The following NEK10 variants were observed in gnomAD, a reference collection of about 807,000 sequenced individuals.
NEK10 encodes the protein NIMA related kinase 10, also known as serine/threonine-protein kinase Nek10.
A neutral mutation model predicts 159.8 loss-of-function variants in NEK10; 122 were observed. That is an observed-to-expected ratio of 0.76 (90% confidence interval 0.66 to 0.89). The LOEUF is 0.89. Ranked by LOEUF, NEK10 falls within the 40% of genes least tolerant of loss-of-function variation. NEK10 has a pLI of 0.00. For missense variants in NEK10, 1,342 were observed against 1,323.1 expected, an observed-to-expected ratio of 1.01 and a Z score of -0.22; for synonymous variants, 466 against 457.1, an observed-to-expected ratio of 1.02 and a Z score of -0.25.
chr3:27,247,810 CTTTTCTTTTCTTTTT>C (rs1955230441), intron 23 of NEK10, among the ~76,000 whole-genome samples: 1 of 131,506 alleles, frequency 7.6e-6, no homozygotes, highest in Non-Finnish European at 1.6e-5. Flanking sequence ...ATTTTCTTTT[CTTTTCTTTTCTTTTT>C]TTTTTTTTTT....
chr3:27,142,810 C>T (rs1318956300), intron 30 of NEK10, among the ~76,000 whole-genome samples: 1 of 152,080 alleles, frequency 6.6e-6, no homozygotes, highest in Non-Finnish European at 1.5e-5. Context: ...AAAATATAAA[C>T]ATTCAAAGAA....
At chr3:27,278,683 C>G in intron 22 of NEK10, 2 of 982,840 alleles carry the variant, frequency 2.0e-6, no homozygotes, top group Non-Finnish European at 1.2e-6. Context: ...TTTGTTTTTT[C>G]TTTTCCTTTT....
intron 26 of NEK10, among the ~76,000 whole-genome samples, chr3:27,175,972 A>AT (rs1203789983): frequency 1.3e-5 from 2 of 151,984 alleles, no homozygotes; most frequent in African/African-American, 4.8e-5. Flanking sequence ...TGTGTTTTTT[A>AT]TTTTTTTCCT....
At chr3:27,180,612 C>G (rs979499450) in intron 26 of NEK10, among the ~76,000 whole-genome samples, 2 of 152,180 alleles carry the variant, frequency 1.3e-5, no homozygotes, top group African/African-American at 4.8e-5. Context: ...GAATGAAACA[C>G]CAAATTAGAA....
chr3:27,309,901 T>C (rs1433826948), intron 9 of NEK10: 1 of 152,188 alleles, frequency 6.6e-6, no homozygotes, highest in Non-Finnish European at 1.5e-5. Flanking sequence ...CTAACATGAC[T>C]TAGCTGGAAG....
At chr3:27,153,055 C>T (rs1231802332) in intron 30 of NEK10, among the ~76,000 whole-genome samples, 1 of 152,098 alleles carries the variant, frequency 6.6e-6, no homozygotes, top group East Asian at 1.9e-4. Flanking sequence ...GGCGCGGTGG[C>T]TCATGCCTGT....
chr3:27,254,284 G>A (rs1263164391), intron 23 of NEK10, among the ~76,000 whole-genome samples: 1 of 152,122 alleles, frequency 6.6e-6, no homozygotes, highest in South Asian at 2.1e-4. Flanking sequence ...GCCCAGAGAA[G>A]CCAAAAGATT....
chr3:27,302,477 T>C (rs920264388), intron 12 of NEK10, among the ~76,000 whole-genome samples: 1 of 152,178 alleles, frequency 6.6e-6, no homozygotes, highest in Non-Finnish European at 1.5e-5. Context: ...TGCAGTCTTC[T>C]CCCTTTTTTG....
chr3:27,363,650 A>C (rs2048843534), intron 1 of NEK10: 1 of 152,240 alleles, frequency 6.6e-6, no homozygotes, highest in Admixed American at 6.5e-5. Flanking sequence ...CAAAGAAAAG[A>C]ATATAAAGTA....
intron 22 of NEK10, among the ~76,000 whole-genome samples, chr3:27,259,926 G>T (rs1424219902): frequency 6.6e-6 from 1 of 152,040 alleles, no homozygotes; most frequent in East Asian, 1.9e-4. Flanking sequence ...CCTTGAAGAG[G>T]TCCTTCACAT....
intron 9 of NEK10, chr3:27,309,384 G>C (rs1186234906): frequency 6.9e-6 from 1 of 144,292 alleles, no homozygotes; most frequent in Non-Finnish European, 1.5e-5. Flanking sequence ...GCCTTATGCA[G>C]CTTCCTTTTT....
intron 26 of NEK10, among the ~76,000 whole-genome samples, chr3:27,186,831 T>A (rs186920884): frequency 1.3e-5 from 2 of 151,852 alleles, no homozygotes; most frequent in African/African-American, 4.8e-5. Context: ...TGAGATAGGG[T>A]CCCCTAGTGC....
intron 1 of NEK10, among the ~76,000 whole-genome samples, chr3:27,368,389 A>C (rs1419175935): frequency 2.6e-5 from 4 of 152,086 alleles, no homozygotes; most frequent in Non-Finnish European, 5.9e-5. Context: ...TTGGATAGAT[A>C]GGGCCAGACT....
intron 20 of NEK10, among the ~76,000 whole-genome samples, 174 bp downstream of exon 20, chr3:27,287,524 C>T (rs867070305): frequency 1.4e-4 from 22 of 152,300 alleles, no homozygotes; most frequent in African/African-American, 5.1e-4. Context: ...AGGTGACTGA[C>T]TAGGTCACTG....
At chr3:27,314,199 C>T in intron 7 of NEK10, 98 bp downstream of exon 7, 1 of 826,362 alleles carries the variant, frequency 1.2e-6, no homozygotes, top group Admixed American at 2.0e-5. Context: ...GACAGCATAA[C>T]ATAGGAAAGC....
intron 22 of NEK10, among the ~76,000 whole-genome samples, chr3:27,261,912 T>A (rs2040448923): frequency 6.6e-6 from 1 of 152,226 alleles, no homozygotes; most frequent in African/African-American, 2.4e-5. Flanking sequence ...TACCCCTGTA[T>A]TGGGTGCATA....
intron 23 of NEK10, among the ~76,000 whole-genome samples, chr3:27,202,882 A>G (rs1412505324): frequency 1.3e-5 from 2 of 152,070 alleles, no homozygotes; most frequent in African/African-American, 4.8e-5. Flanking sequence ...CTGCTCTGGG[A>G]GCTTCTGTAC....
chr3:27,269,665 C>T (rs2041181693), intron 22 of NEK10, among the ~76,000 whole-genome samples: 1 of 152,124 alleles, frequency 6.6e-6, no homozygotes, highest in Non-Finnish European at 1.5e-5. Context: ...GTTTATATGA[C>T]TTGCTTTATT....
chr3:27,204,372 A>G (rs1950335965), intron 23 of NEK10, among the ~76,000 whole-genome samples: 1 of 109,238 alleles, frequency 9.2e-6, no homozygotes, highest in Non-Finnish European at 1.7e-5. Flanking sequence ...GGTTAGTTAC[A>G]TATGTATACA....
Sources: allele counts gnomAD v4.1 joint callset (sites outside exome capture counted in the v4.1 genomes callset), GRCh38; gene constraint gnomAD v4.1.1; transcripts MANE v1.5; gene names NCBI Gene and HGNC (gene_info 2026-07-23, HGNC 2026-07-21).